The following PXDNL variants were observed in gnomAD, a reference collection of about 807,000 sequenced individuals.
The protein encoded by PXDNL is probable oxidoreductase PXDNL.
PXDNL carries 145 observed loss-of-function variants against 150.8 expected under a neutral mutation model. The ratio of observed to expected loss-of-function variants is 0.96; its 90% confidence interval spans 0.84 to 1.10. The LOEUF (loss-of-function observed/expected upper bound fraction) is 1.10. Among genes scored for constraint, PXDNL ranks in the 50% least tolerant of loss-of-function variants. The probability of loss-of-function intolerance (pLI) is 0.00; values close to 1 mark genes in which losing one functional copy is unlikely to be tolerated. For missense variants in PXDNL, 2,087 were observed against 1,873.9 expected (o/e 1.11, Z -2.10); for synonymous variants, 757 against 725.7 (o/e 1.04, Z -0.69).
At chr8:51,643,545 A>C (rs1476099443) in intron 2 of PXDNL, among the ~76,000 whole-genome samples, 1 of 152,240 alleles carries the variant, frequency 6.6e-6, no homozygotes, top group Non-Finnish European at 1.5e-5. Context: ...AATTAATTCA[A>C]GATGGATTAA....
intron 1 of PXDNL, among the ~76,000 whole-genome samples, chr8:51,691,521 T>C (rs1486580686): frequency 1.3e-5 from 2 of 152,132 alleles, no homozygotes; most frequent in Non-Finnish European, 2.9e-5. Context: ...AACATGGCTA[T>C]TAACTAGAGA....
At chr8:51,533,667 G>T (rs1811966297) in intron 4 of PXDNL, among the ~76,000 whole-genome samples, 1 of 147,122 alleles carries the variant, frequency 6.8e-6, no homozygotes. Flanking sequence ...TTTTTTTTTT[G>T]GTGGAGACGG....
chr8:51,556,624 T>G (rs1430003484), intron 4 of PXDNL, among the ~76,000 whole-genome samples: 1 of 152,196 alleles, frequency 6.6e-6, no homozygotes, highest in African/African-American at 2.4e-5. Flanking sequence ...ATAAATGCAG[T>G]GCTGGAATTC....
Position 51,475,020 on chromosome 8 carries a change from GTC to G in PXDNL, c.644_645del (p.Arg215ThrfsTer24). Reference sequence around the variant, plus strand: ...ACTGAAGCAACTGCACGCCCATGGAGTCTCCTGGGATATTCGCAGGTAGCCGC... The same window carrying G: ...ACTGAAGCAACTGCACGCCCATGGAGTCCTGGGATATTCGCAGGTAGCCGC... ...QAAATCEYPR[R>X]LHGRAVASVT... On this transcript the variant is annotated frameshift_variant, in exon 7 of 23. Transcript: ENST00000356297. LOFTEE classifies it high-confidence loss of function. The G allele has an allele frequency of 6.2e-7, 1 of 1,611,642 alleles. No individual in the cohort carries two copies.
intron 3 of PXDNL, among the ~76,000 whole-genome samples, chr8:51,580,319 T>A (rs1156870837): frequency 6.6e-6 from 1 of 152,162 alleles, no homozygotes; most frequent in Non-Finnish European, 1.5e-5. Flanking sequence ...AAATAGTAGA[T>A]GTTATCTCTC....
chr8:51,478,858 C>T (rs1810538801), intron 6 of PXDNL, among the ~76,000 whole-genome samples: 1 of 152,196 alleles, frequency 6.6e-6, no homozygotes, highest in African/African-American at 2.4e-5. Flanking sequence ...GTTTCCACCC[C>T]GTCTTGGACC....
chr8:51,604,959 G>A (rs933304947), intron 2 of PXDNL, among the ~76,000 whole-genome samples: 3 of 152,020 alleles, frequency 2.0e-5, no homozygotes, highest in Non-Finnish European at 2.9e-5. Flanking sequence ...TTATATAAAA[G>A]TTAGAAAATA....
At chr8:51,734,161 G>A (rs751041011) in intron 1 of PXDNL, among the ~76,000 whole-genome samples, 4 of 151,782 alleles carry the variant, frequency 2.6e-5, no homozygotes, top group African/African-American at 7.3e-5. Flanking sequence ...ACCTTTTTAC[G>A]TTTCTTATTT....
intron 4 of PXDNL, among the ~76,000 whole-genome samples, chr8:51,504,975 C>T (rs1465989083): frequency 6.6e-6 from 1 of 152,198 alleles, no homozygotes; most frequent in Non-Finnish European, 1.5e-5. Flanking sequence ...ACAAGTCTGA[C>T]TTTAGTAAGC....
At chr8:51,731,295 G>A in intron 1 of PXDNL, among the ~76,000 whole-genome samples, 1 of 152,218 alleles carries the variant, frequency 6.6e-6, no homozygotes, top group East Asian at 1.9e-4. Flanking sequence ...CCCCATGCAA[G>A]TCTGAAATCC....
chr8:51,776,727 C>T (rs551942432), intron 1 of PXDNL, among the ~76,000 whole-genome samples: 2 of 152,214 alleles, frequency 1.3e-5, no homozygotes, highest in African/African-American at 2.4e-5. Flanking sequence ...CATTTTCCAT[C>T]CAATGATTCC....
intron 1 of PXDNL, among the ~76,000 whole-genome samples, chr8:51,689,051 G>A (rs1043831635): frequency 6.6e-6 from 1 of 152,174 alleles, no homozygotes; most frequent in Admixed American, 6.5e-5. Context: ...GACACTCCTG[G>A]CTGGGAATCA....
chr8:51,504,938 T>A (rs1811254735), intron 4 of PXDNL, among the ~76,000 whole-genome samples: 1 of 152,236 alleles, frequency 6.6e-6, no homozygotes, highest in Non-Finnish European at 1.5e-5. Flanking sequence ...TACATTTCCT[T>A]GGGGAAGAAC....
At chr8:51,351,315 G>T (rs1440767066) in intron 19 of PXDNL, among the ~76,000 whole-genome samples, 2 of 152,084 alleles carry the variant, frequency 1.3e-5, no homozygotes, top group Non-Finnish European at 2.9e-5. Flanking sequence ...GGAGTAGATG[G>T]GCCACTAATT....
In PXDNL at chr8:51,734,525, A is replaced by C. The variant is rs1399127983; in HGVS notation, c.164+74656T>G. On this transcript the variant is annotated intron_variant, in intron 1 of 22. Transcript: ENST00000356297. ...ACTCACAGCTCATCAACATCAATAC[A>C]TAATATTTATATGACAATCTTAACA... is the stretch of plus-strand genomic sequence containing the variant. Among the ~76,000 whole-genome samples the C allele has an allele frequency of 9.3e-4, 141 of 152,228 alleles. 2 individuals carry two copies. The highest frequency in any genetic ancestry group is 1.8e-4 in the Non-Finnish European group (12 of 68,034).
chr8:51,486,780 ATATATATATATATATTTTTTTTTTT>A (rs1375828980), intron 5 of PXDNL, among the ~76,000 whole-genome samples: 2 of 17,800 alleles, frequency 1.1e-4, no homozygotes, highest in African/African-American at 2.1e-4. Context: ...ATATATATAT[ATATATATATATATATTTTTTTTTTT>A]TTTTTTTTTT....
At chr8:51,644,388 A>ATATGTATATATATACACATGTG (rs1563493831) in intron 2 of PXDNL, among the ~76,000 whole-genome samples, 26 of 35,444 alleles carry the variant, frequency 7.3e-4, no homozygotes, top group Non-Finnish European at 1.5e-3. Context: ...ACACACACAT[A>ATATGTATATATATACACATGTG]TGTGTATATA....
At chr8:51,628,889 A>G (rs561519725) in intron 2 of PXDNL, among the ~76,000 whole-genome samples, 58 of 150,120 alleles carry the variant, frequency 3.9e-4, no homozygotes, top group African/African-American at 1.4e-3. Flanking sequence ...GCAAACAAAA[A>G]CAAATCTTGA....
At position 51,411,190 on chromosome 8, in the gene PXDNL, AGGT is replaced by A. The variant is rs1239587878; in HGVS notation, c.2062+57_2062+59del. 7 of 1,303,578 alleles carry A rather than the reference AGGT, an allele frequency of 5.4e-6. No homozygotes were observed. The South Asian group carries it at 7.3e-5, about 14-fold the overall frequency. The allele number at this position is 1,303,578 out of a possible 1,614,324, so 80.8% of individuals were successfully genotyped here. ...ATTAAAAGTTCAGTGTCCTTTGCTAAGGTGGTGGTCAGTTTTTCTGTGGGCAGT... is the reference window on the plus strand; with the variant it reads ...ATTAAAAGTTCAGTGTCCTTTGCTAAGGTGGTCAGTTTTTCTGTGGGCAGT... On this transcript the variant is annotated intron_variant, in intron 16 of 22. Coordinates refer to ENST00000356297, the MANE Select transcript of PXDNL (RefSeq NM_144651.5).
Sources: allele counts gnomAD v4.1 joint callset (sites outside exome capture counted in the v4.1 genomes callset), GRCh38; gene constraint gnomAD v4.1.1; transcripts MANE v1.5; gene names NCBI Gene and HGNC (gene_info 2026-07-23, HGNC 2026-07-21).